SPINK4: variants seen among roughly 807,000 people sequenced by gnomAD.
SPINK4 encodes the protein serine peptidase inhibitor Kazal type 4.
A neutral mutation model predicts 12.3 loss-of-function variants in SPINK4; 10 were observed. The observed-to-expected ratio is 0.81, with a 90% CI of 0.50 to 1.37. SPINK4 has a LOEUF of 1.37. SPINK4 is among the 40% of genes most tolerant of loss of function. The probability of loss-of-function intolerance (pLI) is 0.00; values close to 1 mark genes in which losing one functional copy is unlikely to be tolerated. For synonymous variants in SPINK4, 37 were observed against 40.2 expected (o/e 0.92, Z 0.30); for missense variants, 91 against 109.0 (o/e 0.84, Z 0.73).
At chr9:33,240,810 A>G (rs1206014209) in intron 1 of SPINK4, among the ~76,000 whole-genome samples, 1 of 152,182 alleles carries the variant, frequency 6.6e-6, no homozygotes, top group Non-Finnish European at 1.5e-5. Flanking sequence ...CATCCCTGCA[A>G]TCTCACAGCT....
chr9:33,242,218 G>A (rs547914187), intron 1 of SPINK4, among the ~76,000 whole-genome samples: 65 of 152,302 alleles, frequency 4.3e-4, no homozygotes, highest in African/African-American at 1.4e-3. Flanking sequence ...CAAGTGCTGC[G>A]CAAAGGCAGA....
chr9:33,241,972 T>G lies in SPINK4; in HGVS notation c.61+1703T>G, dbSNP rs568943269. On this transcript the variant is annotated intron_variant, in intron 1 of 3. Coordinates refer to ENST00000379721, the MANE Select transcript of SPINK4 (RefSeq NM_014471.3). ...TTGGCTCACTGCAACCTCTGCCTCC[T>G]AGGTTGAAGCAATTATCCTGCCTCA... Among the ~76,000 whole-genome samples, 11 of 152,234 alleles carry G rather than the reference T, an allele frequency of 7.2e-5. No homozygotes were observed. In the South Asian group the frequency reaches 2.3e-3, roughly 32 times the overall value.
chr9:33,241,692 T>C (rs372181930), intron 1 of SPINK4, among the ~76,000 whole-genome samples: 102 of 152,208 alleles, frequency 6.7e-4, no homozygotes, highest in African/African-American at 2.3e-3. Flanking sequence ...TGTTTGTTTT[T>C]GTTTTTGTTT....
intron 1 of SPINK4, among the ~76,000 whole-genome samples, chr9:33,241,378 G>T (rs1411234627): frequency 6.6e-6 from 1 of 152,236 alleles, no homozygotes; most frequent in Non-Finnish European, 1.5e-5. Context: ...TTCAAGGGTT[G>T]CTCTGGTTGG....
intron 1 of SPINK4, among the ~76,000 whole-genome samples, chr9:33,241,589 C>T (rs1820235197): frequency 6.6e-6 from 1 of 152,210 alleles, no homozygotes; most frequent in South Asian, 2.1e-4. Context: ...TCAGGAGCAG[C>T]CTGCTTACGC....
intron 3 of SPINK4, among the ~76,000 whole-genome samples, chr9:33,247,221 C>T (rs1279638988): frequency 2.7e-5 from 4 of 149,802 alleles, no homozygotes; most frequent in East Asian, 2.0e-4. Flanking sequence ...TGCAGTGGCA[C>T]GATCTTGGCT....
chr9:33,240,670 G>A (rs706109), intron 1 of SPINK4, among the ~76,000 whole-genome samples: 53,754 of 152,032 alleles, frequency 0.35, 12,111 homozygotes, highest in African/African-American at 0.65. Flanking sequence ...AGACCTGGCC[G>A]AGGTCTTCTG....
rs1265171439 is a variant in SPINK4 at position 33,245,227 on chromosome 9, ATTC to A, written c.102+80_102+82del. The A allele has an allele frequency of 1.1e-5, 17 of 1,493,846 alleles. No homozygotes were observed. The East Asian group carries it at 3.5e-4, about 30-fold the overall frequency. 92.5% of individuals were successfully genotyped at this position (1,493,846 alleles called of 1,614,324 possible). A position where few individuals can be genotyped will look rare whatever the true frequency, so the allele number is the denominator to read the frequency against. ...TCTCGTCCATGCTGAGAAACCAGTT[ATTC>A]TTCTCCACGATCCTGCTCAGACACC... On this transcript the variant is annotated intron_variant, in intron 2 of 3. Coordinates refer to ENST00000379721, the MANE Select transcript of SPINK4 (RefSeq NM_014471.3).
chr9:33,240,613 GGA>G (rs1820224313), intron 1 of SPINK4, among the ~76,000 whole-genome samples: 2 of 152,234 alleles, frequency 1.3e-5, no homozygotes, highest in African/African-American at 2.4e-5. Flanking sequence ...CCAGCTCTCA[GGA>G]GAGACTGACA....
intron 2 of SPINK4, among the ~76,000 whole-genome samples, chr9:33,246,247 G>GC (rs1820284079): frequency 6.6e-6 from 1 of 151,926 alleles, no homozygotes; most frequent in African/African-American, 2.4e-5. Context: ...GGGACCAGCA[G>GC]AAGTTCTGAT....
intron 2 of SPINK4, 124 bp downstream of exon 2, chr9:33,245,276 C>T (rs1820274352): frequency 1.9e-6 from 2 of 1,032,762 alleles, no homozygotes; most frequent in African/African-American, 1.6e-5. Flanking sequence ...CCAAGGTGGC[C>T]AAGGTGGCCT....
chr9:33,242,349 G>A (rs906251509), intron 1 of SPINK4, among the ~76,000 whole-genome samples: 1 of 152,184 alleles, frequency 6.6e-6, no homozygotes, highest in African/African-American at 2.4e-5. Context: ...TGTTGGGGAC[G>A]TCAAGGACAG....
chr9:33,242,935 G>A (rs1820251750), intron 1 of SPINK4, among the ~76,000 whole-genome samples: 1 of 150,946 alleles, frequency 6.6e-6, no homozygotes, highest in South Asian at 2.1e-4. Flanking sequence ...GAGTGCAGTG[G>A]TGCAATCATA....
At chr9:33,244,849 A>G (rs1376109902) in intron 1 of SPINK4, among the ~76,000 whole-genome samples, 1 of 152,216 alleles carries the variant, frequency 6.6e-6, no homozygotes, top group Non-Finnish European at 1.5e-5. Flanking sequence ...TATGGGACAC[A>G]ACAATTCCAG....
chr9:33,247,325 T>C (rs1224461331), intron 3 of SPINK4, among the ~76,000 whole-genome samples: 2 of 137,762 alleles, frequency 1.5e-5, no homozygotes, highest in African/African-American at 5.6e-5. Flanking sequence ...ACCTGGCTAA[T>C]TTTTTTTTTT....
intron 1 of SPINK4, among the ~76,000 whole-genome samples, chr9:33,243,759 G>C (rs1820261303): frequency 6.6e-6 from 1 of 152,118 alleles, no homozygotes. Flanking sequence ...TTTGCATTTT[G>C]ATACCCCAAT....
At chr9:33,246,800 ACTTGACCTGCTT>A in intron 3 of SPINK4, 72 bp downstream of exon 3, 1 of 1,335,814 alleles carries the variant, frequency 7.5e-7, no homozygotes, top group East Asian at 2.3e-5. Context: ...AAGGAGCAAG[ACTTGACCTGCTT>A]CTTCCTTCAT....
At chr9:33,246,816 CCTT>C (rs1292536018) in intron 3 of SPINK4, 88 bp downstream of exon 3, 6 of 1,108,804 alleles carry the variant, frequency 5.4e-6, no homozygotes, top group Non-Finnish European at 6.8e-6. Flanking sequence ...CCTGCTTCTT[CCTT>C]CATACACGCT....
chr9:33,243,137 A>G (rs770167221), intron 1 of SPINK4, among the ~76,000 whole-genome samples: 1 of 151,996 alleles, frequency 6.6e-6, no homozygotes, highest in Non-Finnish European at 1.5e-5. Flanking sequence ...CCAGTGGCAC[A>G]ATCTTGGCTC....
Sources: allele counts gnomAD v4.1 joint callset (sites outside exome capture counted in the v4.1 genomes callset), GRCh38; gene constraint gnomAD v4.1.1; transcripts MANE v1.5; gene names NCBI Gene and HGNC (gene_info 2026-07-23, HGNC 2026-07-21).